The following ARPP21 variants were observed in gnomAD, a reference collection of about 807,000 sequenced individuals.
ARPP21 encodes the protein cAMP-regulated phosphoprotein 21.
ARPP21 carries 69 observed loss-of-function variants against 113.2 expected under a neutral mutation model. The observed-to-expected ratio is 0.61, with a 90% confidence interval of 0.50 to 0.74. The LOEUF (loss-of-function observed/expected upper bound fraction) is 0.74. Ranked by LOEUF, ARPP21 falls within the 30% of genes least tolerant of loss-of-function variation. ARPP21 has a pLI of 0.00. For synonymous variants in ARPP21, 368 were observed against 375.5 expected, an observed-to-expected ratio of 0.98 and a Z score of 0.23; for missense variants, 1,070 against 1,037.4, an observed-to-expected ratio of 1.03 and a Z score of -0.43.
intron 1 of ARPP21, among the ~76,000 whole-genome samples, chr3:35,654,872 G>T (rs1474040946): frequency 6.6e-6 from 1 of 151,994 alleles, no homozygotes; most frequent in Non-Finnish European, 1.5e-5. Context: ...AAAACATTTG[G>T]AAAGAGAAAT....
chr3:35,660,065 C>A (rs543873073), intron 1 of ARPP21, among the ~76,000 whole-genome samples: 5 of 152,276 alleles, frequency 3.3e-5, no homozygotes, highest in Middle Eastern at 3.4e-3. Flanking sequence ...CCCTGACAAG[C>A]CTTCCTGGCA....
intron 1 of ARPP21, among the ~76,000 whole-genome samples, chr3:35,679,291 A>G (rs1416944220): frequency 2.0e-5 from 3 of 151,904 alleles, no homozygotes; most frequent in Non-Finnish European, 2.9e-5. Flanking sequence ...TTTATAGAGA[A>G]TGTTTCATTA....
intron 1 of ARPP21, among the ~76,000 whole-genome samples, chr3:35,676,868 G>A (rs1007498676): frequency 3.3e-5 from 5 of 151,766 alleles, no homozygotes; most frequent in Non-Finnish European, 5.9e-5. Flanking sequence ...TTGAGAATGG[G>A]TTATATGCTT....
chr3:35,672,937 G>A (rs2076698213), intron 1 of ARPP21, among the ~76,000 whole-genome samples: 1 of 151,950 alleles, frequency 6.6e-6, no homozygotes, highest in African/African-American at 2.4e-5. Context: ...TATCCCTGTA[G>A]TACTCAGTAA....
intron 1 of ARPP21, among the ~76,000 whole-genome samples, chr3:35,645,028 C>A (rs1386561744): frequency 6.6e-6 from 1 of 151,708 alleles, no homozygotes; most frequent in African/African-American, 2.4e-5. Context: ...AGCATTAGTC[C>A]AAAACTGTCT....
chr3:35,785,643 A>G (rs1036865630), intron 19 of ARPP21, among the ~76,000 whole-genome samples: 3 of 152,202 alleles, frequency 2.0e-5, no homozygotes, highest in Non-Finnish European at 2.9e-5. Flanking sequence ...GTGTACTGCC[A>G]TTAGAAAATG....
chr3:35,691,672 G>A (rs998528500), intron 9 of ARPP21, among the ~76,000 whole-genome samples: 7 of 151,456 alleles, frequency 4.6e-5, no homozygotes, highest in African/African-American at 1.7e-4. Flanking sequence ...TTGTTTCACT[G>A]AGTCACCAAA....
At position 35,689,464 on chromosome 3, in the gene ARPP21, T is replaced by C. The variant is rs906127767; in HGVS notation, c.485+79T>C. 4 of 767,790 alleles carry C rather than the reference T, an allele frequency of 5.2e-6. No individual in the cohort carries two copies. In the African/African-American group the frequency reaches 5.3e-5, roughly 10 times the overall value. 47.6% of individuals were successfully genotyped at this position (767,790 alleles called of 1,614,324 possible). ...ATCAAAGTTATTAATCCAACACTTC[T>C]AAGAAAGCCATTGTGAAATGCAGAT... On this transcript the variant is annotated intron_variant, in intron 7 of 20. Transcript: ENST00000684406.
intron 19 of ARPP21, among the ~76,000 whole-genome samples, chr3:35,745,383 T>A (rs1016762853): frequency 2.0e-5 from 3 of 152,200 alleles, no homozygotes; most frequent in African/African-American, 7.2e-5. Context: ...AGGATCTTGG[T>A]TTAGAGGCTA....
chr3:35,650,925 C>T (rs1008365378), intron 1 of ARPP21, among the ~76,000 whole-genome samples: 15 of 151,874 alleles, frequency 9.9e-5, no homozygotes, highest in South Asian at 2.1e-4. Context: ...AACCAGCCTA[C>T]GTATTTAGAA....
At chr3:35,685,586 T>C in intron 5 of ARPP21, 1 of 985,330 alleles carries the variant, frequency 1.0e-6, no homozygotes, top group Non-Finnish European at 1.2e-6. Flanking sequence ...GCTTCCCCAA[T>C]GTTTGTAAAT....
At chr3:35,648,243 A>G in intron 1 of ARPP21, among the ~76,000 whole-genome samples, 1 of 152,196 alleles carries the variant, frequency 6.6e-6, no homozygotes, top group Middle Eastern at 3.2e-3. Context: ...GAAATGGTCT[A>G]ATTCAGTTGT....
At chr3:35,673,268 G>A (rs1021541129) in intron 1 of ARPP21, among the ~76,000 whole-genome samples, 2 of 151,948 alleles carry the variant, frequency 1.3e-5, no homozygotes, top group Non-Finnish European at 2.9e-5. Context: ...TTTGGAAGTG[G>A]AGTACACCTC....
intron 14 of ARPP21, among the ~76,000 whole-genome samples, chr3:35,725,130 A>G (rs1196420943): frequency 3.3e-5 from 5 of 152,162 alleles, no homozygotes; most frequent in Non-Finnish European, 7.3e-5. Flanking sequence ...AGGACATTAT[A>G]GAGGAAATTG....
chr3:35,667,433 C>A (rs1032008669), intron 1 of ARPP21, among the ~76,000 whole-genome samples: 19 of 152,180 alleles, frequency 1.2e-4, no homozygotes, highest in African/African-American at 4.6e-4. Context: ...CATTAAATAA[C>A]TAATTCATCA....
intron 15 of ARPP21, among the ~76,000 whole-genome samples, chr3:35,736,301 G>A (rs13084607): frequency 0.023 from 3,566 of 151,874 alleles, 145 homozygotes; most frequent in African/African-American, 0.079. Flanking sequence ...CCCCACACCC[G>A]CTCCTTGACT....
At chr3:35,670,821 A>C (rs2076160160) in intron 1 of ARPP21, among the ~76,000 whole-genome samples, 1 of 152,114 alleles carries the variant, frequency 6.6e-6, no homozygotes, top group Non-Finnish European at 1.5e-5. Context: ...TTATCCTTTC[A>C]ACAAGCTGGT....
At chr3:35,784,652 C>G (rs2096593750) in intron 19 of ARPP21, among the ~76,000 whole-genome samples, 3 of 152,094 alleles carry the variant, frequency 2.0e-5, no homozygotes, top group African/African-American at 7.2e-5. Context: ...CTGTTGCCTC[C>G]CAGTAGATGG....
intron 1 of ARPP21, among the ~76,000 whole-genome samples, chr3:35,661,297 G>A (rs1707700960): frequency 6.6e-6 from 1 of 152,080 alleles, no homozygotes; most frequent in African/African-American, 2.4e-5. Context: ...CAGTTATTGA[G>A]CTATATCGTG....
Sources: gnomAD v4.1 joint callset for allele counts (sites outside exome capture counted in the v4.1 genomes callset) on GRCh38, gnomAD v4.1.1 for gene constraint, MANE v1.5 for transcripts, NCBI Gene and HGNC (gene_info 2026-07-23, HGNC 2026-07-21) for gene names.